The following AGTPBP1 variants were observed in gnomAD, a reference collection of about 807,000 sequenced individuals.
The protein encoded by AGTPBP1 is cytosolic carboxypeptidase 1.
In AGTPBP1, 70 loss-of-function variants were observed where a neutral mutation model predicts 143.9. That is an observed-to-expected ratio of 0.49 (90% CI 0.40 to 0.59). AGTPBP1 has a LOEUF of 0.59. AGTPBP1 is among the 20% of genes least tolerant of loss of function. The pLI, the probability that AGTPBP1 is intolerant of heterozygous loss-of-function variation, is 0.00. For synonymous variants in AGTPBP1, 463 were observed against 500.2 expected, an observed-to-expected ratio of 0.93 and a Z score of 0.99; for missense variants, 1,229 against 1,464.5, an observed-to-expected ratio of 0.84 and a Z score of 2.62.
chr9:85,638,694 G>A (rs946161363), intron 13 of AGTPBP1, among the ~76,000 whole-genome samples: 1 of 151,794 alleles, frequency 6.6e-6, no homozygotes, highest in Non-Finnish European at 1.5e-5. Flanking sequence ...TAGAGGTAAA[G>A]ATAGTAACTT....
chr9:85,560,103 GATA>G (rs1408503583), intron 25 of AGTPBP1, among the ~76,000 whole-genome samples: 1 of 152,182 alleles, frequency 6.6e-6, no homozygotes. Context: ...GCAAACAAGA[GATA>G]ATAACAAAAT....
intron 3 of AGTPBP1, among the ~76,000 whole-genome samples, chr9:85,686,510 CCTT>C (rs1309473503): frequency 6.6e-6 from 1 of 152,104 alleles, no homozygotes; most frequent in Non-Finnish European, 1.5e-5. Context: ...CTCCACAACT[CCTT>C]CTAAGAAAAC....
At chr9:85,646,551 T>G (rs1832821584) in intron 11 of AGTPBP1, 133 bp from the exon 12 acceptor site, 1 of 674,992 alleles carries the variant, frequency 1.5e-6, no homozygotes, top group Non-Finnish European at 2.5e-6. Context: ...TTATTTAACA[T>G]CTCTCTAAGG....
chr9:85,788,695 T>C, the AGTPBP1 span, among the ~76,000 whole-genome samples: 1 of 149,636 alleles, frequency 6.7e-6, no homozygotes, highest in Non-Finnish European at 1.5e-5. Flanking sequence ...GATATAGATA[T>C]AGGGTATACA....
intron 25 of AGTPBP1, 146 bp downstream of exon 25, chr9:85,575,169 T>G (rs987284951): frequency 3.8e-6 from 2 of 520,460 alleles, no homozygotes; most frequent in Non-Finnish European, 6.3e-6. Flanking sequence ...GCAATATAAA[T>G]TGGAACAAAT....
chr9:85,713,470 G>C (rs965828954), intron 1 of AGTPBP1, among the ~76,000 whole-genome samples: 2 of 152,202 alleles, frequency 1.3e-5, no homozygotes, highest in Admixed American at 1.3e-4. Context: ...GGTGGAGGTT[G>C]CAGTGAGCCA....
chr9:85,730,188 C>G (rs188315347), intron 1 of AGTPBP1, among the ~76,000 whole-genome samples: 3 of 152,192 alleles, frequency 2.0e-5, no homozygotes, highest in Non-Finnish European at 4.4e-5. Flanking sequence ...TTCCTTAAAG[C>G]TCAACCTATG....
chr9:85,711,075 G>A (rs1055732601), intron 2 of AGTPBP1, among the ~76,000 whole-genome samples: 3 of 152,128 alleles, frequency 2.0e-5, no homozygotes, highest in African/African-American at 7.2e-5. Context: ...CAGATTTAAC[G>A]CATACCAATG....
intron 3 of AGTPBP1, among the ~76,000 whole-genome samples, chr9:85,690,884 G>A (rs753004413): frequency 6.6e-6 from 1 of 152,216 alleles, no homozygotes; most frequent in African/African-American, 2.4e-5. Flanking sequence ...GTCATTCCCT[G>A]ATAGCGGTAT....
intron 10 of AGTPBP1, among the ~76,000 whole-genome samples, chr9:85,655,727 C>T (rs141089904): frequency 2.0e-3 from 310 of 151,916 alleles, no homozygotes; most frequent in African/African-American, 7.1e-3. Context: ...CCAAACCTTC[C>T]TCAGAACTGT....
At chr9:85,648,453 T>C (rs527767640) in intron 11 of AGTPBP1, among the ~76,000 whole-genome samples, 3 of 152,204 alleles carry the variant, frequency 2.0e-5, no homozygotes, top group East Asian at 1.9e-4. Context: ...CAGTTGGTCA[T>C]GGATAAACAA....
the AGTPBP1 span, among the ~76,000 whole-genome samples, chr9:85,759,953 C>T: frequency 6.6e-6 from 1 of 152,010 alleles, no homozygotes; most frequent in Non-Finnish European, 1.5e-5. Flanking sequence ...ACCGATCCCA[C>T]AGAAATACAA....
the AGTPBP1 span, among the ~76,000 whole-genome samples, chr9:85,802,816 T>C: frequency 6.6e-6 from 1 of 152,208 alleles, no homozygotes; most frequent in Admixed American, 6.5e-5. Context: ...AGAGTCACCG[T>C]GTCCAGGGTC....
intron 4 of AGTPBP1, among the ~76,000 whole-genome samples, chr9:85,678,952 C>T (rs1835000841): frequency 6.6e-6 from 1 of 152,064 alleles, no homozygotes; most frequent in Non-Finnish European, 1.5e-5. Flanking sequence ...GGATATTTTC[C>T]ATTATATGGC....
Position 85,547,256 on chromosome 9 carries a change from T to C in AGTPBP1, c.3534A>G (p.Glu1178=), listed in dbSNP as rs772290733. ...SPTTYVLDED[E]PRFLEEVDYS... is the part of the protein sequence containing the mutation. The stretch of plus-strand genomic sequence containing the variant: ...AATCAACTTCTTCAAGGAATCGAGG[T>C]TCATCTTCATCCAAGACATAAGTGG... The change falls in exon 26 of 26, where the codon GAA becomes GAG. Residue 1178 remains glutamate, a synonymous_variant. Transcript: ENST00000357081. 5.1e-5 allele frequency: 83 copies of C among 1,612,274 alleles called. No individual in the cohort carries two copies. The East Asian group carries it at 1.6e-3, about 32-fold the overall frequency.
chr9:85,714,610 A>G (rs917942633), intron 1 of AGTPBP1, among the ~76,000 whole-genome samples: 1 of 152,226 alleles, frequency 6.6e-6, no homozygotes, highest in Non-Finnish European at 1.5e-5. Context: ...TGTAAAATGT[A>G]GCTTCATCAT....
chr9:85,764,712 T>C, the AGTPBP1 span: 1 of 1,192,166 alleles, frequency 8.4e-7, no homozygotes, highest in Non-Finnish European at 1.3e-6. Context: ...TTTTAGGCCT[T>C]AAACACAGAT....
intron 17 of AGTPBP1, among the ~76,000 whole-genome samples, chr9:85,610,385 G>C (rs1190640554): frequency 6.6e-6 from 1 of 152,062 alleles, no homozygotes; most frequent in East Asian, 1.9e-4. Flanking sequence ...TATTTCAAAG[G>C]CAGTATTCTC....
chr9:85,547,026 A>C lies in AGTPBP1; in HGVS notation c.*83T>G, dbSNP rs1405071331. ...GTCTTTTTGAGTCAGCTCTGTATAAACTCATTTCTCTCAAGCTTCCTGGGA... is the reference window on the plus strand; with the variant it reads ...GTCTTTTTGAGTCAGCTCTGTATAACCTCATTTCTCTCAAGCTTCCTGGGA... On this transcript the variant is annotated 3_prime_UTR_variant, in exon 26 of 26. Transcript: ENST00000357081. The C allele has an allele frequency of 8.3e-6, 12 of 1,446,580 alleles. No individual in the cohort carries two copies. Among genetic ancestry groups the C allele is most frequent in the Middle Eastern group, 3.7e-4 (2 of 5,344 alleles). The allele number at this position is 1,446,580 out of a possible 1,614,324, so 89.6% of individuals were successfully genotyped here.
Sources: allele counts gnomAD v4.1 joint callset (sites outside exome capture counted in the v4.1 genomes callset), GRCh38; gene constraint gnomAD v4.1.1; transcripts MANE v1.5; gene names NCBI Gene and HGNC (gene_info 2026-07-23, HGNC 2026-07-21).